Variants in ESRRG observed in about 807,000 individuals in gnomAD.
ESRRG encodes the protein estrogen related receptor gamma.
In ESRRG, 13 loss-of-function variants were observed where a neutral mutation model predicts 44.0. The ratio of observed to expected loss-of-function variants is 0.30; its 90% CI spans 0.19 to 0.47. The LOEUF is 0.47. Ranked by LOEUF, ESRRG falls within the 20% of genes least tolerant of loss-of-function variation. The pLI is 1.00. For synonymous variants in ESRRG, 215 were observed against 214.6 expected, an observed-to-expected ratio of 1.00 and a Z score of -0.02; for missense variants, 395 against 580.6, an observed-to-expected ratio of 0.68 and a Z score of 3.29.
At chr1:217,133,211 T>C (rs2092989827) in intron 1 of ESRRG, among the ~76,000 whole-genome samples, 2 of 152,362 alleles carry the variant, frequency 1.3e-5, no homozygotes, top group South Asian at 4.1e-4. Flanking sequence ...AGCAAGTCAC[T>C]TTCCTAAGCG....
intron 1 of ESRRG, among the ~76,000 whole-genome samples, chr1:217,088,426 TG>T (rs2092227960): frequency 9.9e-6 from 1 of 101,088 alleles, no homozygotes; most frequent in Non-Finnish European, 2.0e-5. Context: ...TTTTTTTTTT[TG>T]AGAGAGAGAG....
At chr1:217,043,585 C>T (rs1042008408) in intron 1 of ESRRG, among the ~76,000 whole-genome samples, 1 of 152,126 alleles carries the variant, frequency 6.6e-6, no homozygotes, top group African/African-American at 2.4e-5. Flanking sequence ...AATTTAGCTA[C>T]TTTTGTACTT....
chr1:216,994,757 A>G (rs1560405950), intron 1 of ESRRG, among the ~76,000 whole-genome samples: 4 of 148,258 alleles, frequency 2.7e-5, no homozygotes, highest in Admixed American at 1.3e-4. Flanking sequence ...AATTTTTTGT[A>G]TTTTTTTTTT....
chr1:216,622,998 G>A (rs948403395), intron 3 of ESRRG, among the ~76,000 whole-genome samples: 2 of 150,894 alleles, frequency 1.3e-5, no homozygotes, highest in East Asian at 1.9e-4. Context: ...TTTTCCTCTG[G>A]AAGTACAAAA....
chr1:216,799,886 A>T (rs2094568260), intron 2 of ESRRG, among the ~76,000 whole-genome samples: 3 of 152,270 alleles, frequency 2.0e-5, no homozygotes, highest in Admixed American at 2.0e-4. Context: ...GTAATTTGGG[A>T]TTATCACTTA....
intron 2 of ESRRG, among the ~76,000 whole-genome samples, chr1:216,870,806 C>T (rs1160919013): frequency 1.3e-5 from 2 of 151,734 alleles, no homozygotes; most frequent in Non-Finnish European, 3.0e-5. Flanking sequence ...TCTTATTATC[C>T]TTTTAATGGT....
At chr1:216,739,050 C>T (rs12077706) in intron 2 of ESRRG, among the ~76,000 whole-genome samples, 20 of 152,058 alleles carry the variant, frequency 1.3e-4, no homozygotes, top group Admixed American at 1.3e-3. Flanking sequence ...TACCTTGGAG[C>T]GGAGGTCAGG....
At chr1:216,875,080 G>T (rs916061183) in intron 2 of ESRRG, among the ~76,000 whole-genome samples, 13 of 152,094 alleles carry the variant, frequency 8.5e-5, no homozygotes, top group Non-Finnish European at 1.6e-4. Context: ...ATGGCCAGTG[G>T]TGGGACTTCA....
intron 2 of ESRRG, among the ~76,000 whole-genome samples, chr1:216,754,934 A>G (rs2092352895): frequency 6.6e-6 from 1 of 151,936 alleles, no homozygotes. Context: ...AGATGATGAC[A>G]GGGACATCAA....
At chr1:216,992,764 G>A (rs892716496) in intron 1 of ESRRG, among the ~76,000 whole-genome samples, 1 of 152,108 alleles carries the variant, frequency 6.6e-6, no homozygotes, top group African/African-American at 2.4e-5. Context: ...AGCTCATGCA[G>A]GCTTAATGTA....
intron 1 of ESRRG, among the ~76,000 whole-genome samples, chr1:217,028,970 G>A (rs1299149461): frequency 1.7e-4 from 26 of 151,974 alleles, no homozygotes; most frequent in Non-Finnish European, 2.9e-5. Context: ...TACAACACTG[G>A]ACCCCTCTTT....
intron 3 of ESRRG, 65 bp from the exon 4 acceptor site, chr1:216,568,163 T>A: frequency 9.2e-7 from 1 of 1,086,564 alleles, no homozygotes; most frequent in Non-Finnish European, 1.4e-6. Flanking sequence ...ATCAAATACC[T>A]AGATGGTATC....
chr1:216,544,608 C>T (rs1376619393), intron 5 of ESRRG, among the ~76,000 whole-genome samples: 8 of 152,010 alleles, frequency 5.3e-5, no homozygotes, highest in South Asian at 2.1e-4. Context: ...GCATCAACCT[C>T]CTCTCAAAAC....
At chr1:217,041,331 C>T (rs545126948) in intron 1 of ESRRG, among the ~76,000 whole-genome samples, 1 of 152,132 alleles carries the variant, frequency 6.6e-6, no homozygotes, top group Admixed American at 6.6e-5. Flanking sequence ...TGATACAAGA[C>T]AGCAAATGCA....
chr1:216,779,239 A>T lies in ESRRG; in HGVS notation c.-13-101748T>A, dbSNP rs1408641233. The stretch of plus-strand genomic sequence containing the variant: ...TATATTTATATTTATAAATATAAAT[A>T]TATATTTATATTTATAAATATAAAT... On this transcript the variant is annotated intron_variant, in intron 2 of 7. Coordinates refer to the ESRRG transcript ENST00000359162. Among the ~76,000 whole-genome samples the T allele has an allele frequency of 6.2e-4, 42 of 67,732 alleles. 4 individuals carry two copies. The highest frequency in any genetic ancestry group is 3.7e-3 in the African/African-American group (38 of 10,268). The allele number at this position is 67,732 out of a possible 152,430, so 44.4% of individuals were successfully genotyped here.
At chr1:217,122,317 C>G (rs544986953) in intron 1 of ESRRG, among the ~76,000 whole-genome samples, 2 of 152,220 alleles carry the variant, frequency 1.3e-5, no homozygotes, top group African/African-American at 4.8e-5. Context: ...GTAGTTTAAA[C>G]CATGGGAATA....
intron 1 of ESRRG, among the ~76,000 whole-genome samples, chr1:217,065,676 C>T (rs1413073095): frequency 6.6e-6 from 1 of 152,188 alleles, no homozygotes; most frequent in African/African-American, 2.4e-5. Flanking sequence ...AAGACCAGTT[C>T]AGTCCCATAT....
intron 1 of ESRRG, among the ~76,000 whole-genome samples, chr1:216,950,726 A>T (rs1056634886): frequency 6.6e-6 from 1 of 152,204 alleles, no homozygotes; most frequent in Non-Finnish European, 1.5e-5. Flanking sequence ...TATTTGTGAC[A>T]TAGACCATTT....
intron 2 of ESRRG, among the ~76,000 whole-genome samples, chr1:216,879,484 C>CAAAAAAAAA (rs755104959): frequency 1.1e-5 from 1 of 89,430 alleles, no homozygotes; most frequent in Non-Finnish European, 2.3e-5. Context: ...AAAAGGCCAC[C>CAAAAAAAAA]AAAAAAAAAA....
Sources: gnomAD v4.1 joint callset for allele counts (sites outside exome capture counted in the v4.1 genomes callset) on GRCh38, gnomAD v4.1.1 for gene constraint, MANE v1.5 for transcripts, NCBI Gene and HGNC (gene_info 2026-07-23, HGNC 2026-07-21) for gene names.